The following SEC23A variants were observed in gnomAD, a reference collection of about 807,000 sequenced individuals.
SEC23A encodes protein transport protein Sec23A.
A neutral mutation model predicts 103.7 loss-of-function variants in SEC23A; 56 were observed. The ratio of observed to expected loss-of-function variants is 0.54; its 90% CI spans 0.44 to 0.67. SEC23A has a LOEUF of 0.67. Ranked by LOEUF, SEC23A falls within the 30% of genes least tolerant of loss-of-function variation. The pLI is 0.00. For synonymous variants in SEC23A, 281 were observed against 293.0 expected (o/e 0.96, Z 0.42); for missense variants, 784 against 936.4 (o/e 0.84, Z 2.12).
chr14:39,094,053 G>T (rs1292838901), intron 2 of SEC23A, among the ~76,000 whole-genome samples: 1 of 151,152 alleles, frequency 6.6e-6, no homozygotes, highest in Non-Finnish European at 1.5e-5. Context: ...ACAGGGTCTC[G>T]TTCTATTGCC....
chr14:39,044,468 G>A (rs998082147), intron 16 of SEC23A, among the ~76,000 whole-genome samples: 8 of 151,944 alleles, frequency 5.3e-5, no homozygotes, highest in South Asian at 2.1e-4. Flanking sequence ...TTACAAAACC[G>A]TGAATAATAG....
At chr14:39,040,202 G>A (rs1035598602) in intron 18 of SEC23A, 2 of 153,500 alleles carry the variant, frequency 1.3e-5, no homozygotes, top group Non-Finnish European at 2.9e-5. Context: ...CAAAGCAACT[G>A]TGTATGTATG....
At chr14:39,036,818 A>G (rs1210201555) in intron 19 of SEC23A, among the ~76,000 whole-genome samples, 1 of 152,146 alleles carries the variant, frequency 6.6e-6, no homozygotes, top group African/African-American at 2.4e-5. Flanking sequence ...AGAATCATTT[A>G]TACTTTCGAC....
chr14:39,065,155 C>T (rs1218878109), intron 10 of SEC23A, among the ~76,000 whole-genome samples, 162 bp from the exon 11 acceptor site: 2 of 152,168 alleles, frequency 1.3e-5, no homozygotes, highest in East Asian at 1.9e-4. Flanking sequence ...CTTCTATGCT[C>T]ACTGTCAAAT....
intron 16 of SEC23A, among the ~76,000 whole-genome samples, chr14:39,044,112 A>G (rs1314076415): frequency 6.6e-6 from 1 of 152,188 alleles, no homozygotes. Flanking sequence ...GTAATTATAT[A>G]GAACAGAAAG....
At chr14:39,052,585 CT>C (rs912386807) in intron 14 of SEC23A, among the ~76,000 whole-genome samples, 27 of 152,148 alleles carry the variant, frequency 1.8e-4, no homozygotes, top group Non-Finnish European at 1.5e-5. Context: ...AGCAATACCT[CT>C]GGCAAAATGG....
In SEC23A at chr14:39,076,422, G is replaced by A. The variant is rs528346309; in HGVS notation, c.829-329C>T. Among the ~76,000 whole-genome samples the A allele has an allele frequency of 4.1e-4, 61 of 149,388 alleles. No homozygotes were observed. The East Asian group carries it at 0.012, about 29-fold the overall frequency. ...TGAACATCTTCTTTTGTTTTGTTTT[G>A]GGTTTTTAATTTTTTTTTTTTTTTT... On this transcript the variant is annotated intron_variant, in intron 7 of 19. Coordinates refer to ENST00000307712, the MANE Select transcript of SEC23A (RefSeq NM_006364.4).
chr14:39,055,018 A>T, intron 14 of SEC23A, 125 bp downstream of exon 14: 1 of 1,072,704 alleles, frequency 9.3e-7, no homozygotes, highest in Non-Finnish European at 1.4e-6. Context: ...CAGTAATTTG[A>T]ATAGGAGTTT....
intron 5 of SEC23A, among the ~76,000 whole-genome samples, chr14:39,089,887 C>T (rs964099122): frequency 2.6e-5 from 4 of 152,182 alleles, no homozygotes; most frequent in African/African-American, 9.7e-5. Flanking sequence ...ACCCGGGAGG[C>T]GGAGGTTGCA....
intron 13 of SEC23A, among the ~76,000 whole-genome samples, chr14:39,058,327 G>C (rs1886318073): frequency 6.7e-6 from 1 of 150,176 alleles, no homozygotes; most frequent in Non-Finnish European, 1.5e-5. Context: ...TTGAGACGGA[G>C]TCTCGCTCTG....
chr14:39,055,410 A>ATT lies in SEC23A; in HGVS notation c.1506-116_1506-115dup, dbSNP rs11301994. 184,614 of 798,086 alleles carry ATT rather than the reference A, an allele frequency of 0.23. 7,906 individuals carry two copies. The highest frequency in any genetic ancestry group is 0.24 in the East Asian group (7,566 of 30,972). 49.4% of individuals were successfully genotyped at this position (798,086 alleles called of 1,614,324 possible). A position where few individuals can be genotyped will look rare whatever the true frequency, so the allele number is the denominator to read the frequency against. On this transcript the variant is annotated intron_variant, in intron 13 of 19. Transcript: ENST00000307712. Reference sequence around the variant, plus strand: ...GATAAAAGATACAGAAACTACTAGGATTTTTTTTTTTTTTTGAGACAGAGT... The same window carrying ATT: ...GATAAAAGATACAGAAACTACTAGGATTTTTTTTTTTTTTTTTGAGACAGAGT...
chr14:39,094,990 C>T, intron 2 of SEC23A: 1 of 700,414 alleles, frequency 1.4e-6, no homozygotes, highest in Non-Finnish European at 2.6e-6. Context: ...ATTCATAAAA[C>T]TCTAGCTTCT....
At chr14:39,043,028 G>A (rs1885702410) in intron 16 of SEC23A, among the ~76,000 whole-genome samples, 156 bp from the exon 17 acceptor site, 1 of 151,968 alleles carries the variant, frequency 6.6e-6, no homozygotes, top group African/African-American at 2.4e-5. Context: ...CTAGGCTGGT[G>A]TGCAGTGGCA....
chr14:39,065,658 TCACA>T (rs1348351078), intron 10 of SEC23A, among the ~76,000 whole-genome samples: 3 of 152,096 alleles, frequency 2.0e-5, no homozygotes, highest in Non-Finnish European at 2.9e-5. Flanking sequence ...ATGCCTCTCC[TCACA>T]CTGGGTTCCT....
At chr14:39,036,978 C>T (rs779409557) in intron 19 of SEC23A, among the ~76,000 whole-genome samples, 1 of 152,120 alleles carries the variant, frequency 6.6e-6, no homozygotes, top group Non-Finnish European at 1.5e-5. Context: ...CAACTGTCTG[C>T]GGCATGTCAG....
chr14:39,049,067 A>C (rs568486358), intron 14 of SEC23A, among the ~76,000 whole-genome samples: 1 of 152,152 alleles, frequency 6.6e-6, no homozygotes, highest in East Asian at 1.9e-4. Context: ...AAAGGCTGGC[A>C]CAGTGACTGA....
chr14:39,056,533 G>A (rs533931662), intron 13 of SEC23A, among the ~76,000 whole-genome samples: 1 of 151,192 alleles, frequency 6.6e-6, no homozygotes, highest in South Asian at 2.1e-4. Context: ...GGAGTGCAGT[G>A]GAAGGATCTC....
chr14:39,092,600 C>A lies in SEC23A; in HGVS notation c.307G>T (p.Glu103Ter). The change falls in exon 4 of 20, where the codon GAA becomes TAA. Residue 103 changes from glutamate to a stop codon, truncating the protein, a stop_gained. Coordinates refer to ENST00000307712, the MANE Select transcript of SEC23A (RefSeq NM_006364.4). LOFTEE classifies it high-confidence loss of function. ...AAAAGTTCAGCAGGCTGATTCAGTT[C>A]AGATATACCAGCATAACTAGGTGGA... The part of the protein sequence containing the change: ...QFPPSYAGIS[E>*]LNQPAELLPQ... 1.2e-6 allele frequency: 2 copies of A among 1,610,660 alleles called. No homozygotes were observed. The highest frequency in any genetic ancestry group is 2.2e-5 in the South Asian group (2 of 90,464).
At chr14:39,098,290 A>G (rs8011075) in intron 1 of SEC23A, among the ~76,000 whole-genome samples, 76,881 of 151,436 alleles carry the variant, frequency 0.51, 20,803 homozygotes, top group Non-Finnish European at 0.6. Flanking sequence ...GGTGAGGGGG[A>G]GATTAGAAAT....
Sources: gnomAD v4.1 joint callset for allele counts (sites outside exome capture counted in the v4.1 genomes callset) on GRCh38, gnomAD v4.1.1 for gene constraint, MANE v1.5 for transcripts, NCBI Gene and HGNC (gene_info 2026-07-23, HGNC 2026-07-21) for gene names.